SNTB1: variants seen among roughly 807,000 people sequenced by gnomAD.
SNTB1 encodes beta-1-syntrophin.
A neutral mutation model predicts 48.9 loss-of-function variants in SNTB1; 36 were observed. The observed-to-expected ratio is 0.74, with a 90% confidence interval of 0.56 to 0.97. The LOEUF (loss-of-function observed/expected upper bound fraction) is 0.97, where lower values mean the gene tolerates loss of function less well. Ranked by LOEUF, SNTB1 falls within the 50% of genes least tolerant of loss-of-function variation. The pLI, the probability that SNTB1 is intolerant of heterozygous loss-of-function variation, is 0.00. For synonymous variants in SNTB1, 299 were observed against 294.6 expected (o/e 1.01, Z -0.15); for missense variants, 786 against 703.4 (o/e 1.12, Z -1.33).
intron 1 of SNTB1, among the ~76,000 whole-genome samples, chr8:120,800,137 G>A (rs1820196912): frequency 6.6e-6 from 1 of 151,868 alleles, no homozygotes. Flanking sequence ...AAGTTCCTTG[G>A]GGCACCCTAT....
At chr8:120,811,122 C>A (rs1820419124) in intron 1 of SNTB1, 151 bp downstream of exon 1, 8 of 1,101,980 alleles carry the variant, frequency 7.3e-6, no homozygotes, top group African/African-American at 3.2e-5. Flanking sequence ...CCACCCCCTG[C>A]GCCACCCTTC....
chr8:120,806,638 A>C (rs1359172945), intron 1 of SNTB1, among the ~76,000 whole-genome samples: 1 of 152,148 alleles, frequency 6.6e-6, no homozygotes, highest in Non-Finnish European at 1.5e-5. Flanking sequence ...GTCTGAGTTT[A>C]TAGGATTTAA....
At position 120,633,472 on chromosome 8, in the gene SNTB1, G is replaced by C. The variant is rs1199122629; in HGVS notation, c.789-821C>G. On this transcript the variant is annotated intron_variant, in intron 2 of 6. Transcript: ENST00000517992. Reference sequence around the variant, plus strand: ...ATACAAAAATTAGCCGGGCATGATGGCGGGTGCCTGTAGCCCCAGCTACTT... The same window carrying C: ...ATACAAAAATTAGCCGGGCATGATGCCGGGTGCCTGTAGCCCCAGCTACTT... Among the ~76,000 whole-genome samples the C allele has an allele frequency of 5.9e-5, 9 of 152,230 alleles. No homozygotes were observed. In the East Asian group the frequency reaches 1.5e-3, roughly 26 times the overall value.
chr8:120,567,002 A>G (rs1361639634), intron 4 of SNTB1, among the ~76,000 whole-genome samples: 1 of 152,248 alleles, frequency 6.6e-6, no homozygotes, highest in African/African-American at 2.4e-5. Flanking sequence ...ACATGCTCTT[A>G]GGAAGCTGCA....
chr8:120,806,821 C>G (rs987911774), intron 1 of SNTB1, among the ~76,000 whole-genome samples: 2 of 152,166 alleles, frequency 1.3e-5, no homozygotes, highest in Non-Finnish European at 2.9e-5. Context: ...TCTGTACATC[C>G]TAAATAAAAT....
At chr8:120,704,998 C>T (rs897712412) in intron 1 of SNTB1, among the ~76,000 whole-genome samples, 35 of 152,208 alleles carry the variant, frequency 2.3e-4, no homozygotes, top group African/African-American at 7.9e-4. Context: ...AGAAGTATGC[C>T]GTTCAGAAAA....
intron 2 of SNTB1, among the ~76,000 whole-genome samples, chr8:120,678,006 A>G (rs1817866343): frequency 6.6e-6 from 1 of 152,206 alleles, no homozygotes; most frequent in Non-Finnish European, 1.5e-5. Context: ...TAATACAGGC[A>G]GTGAAAAGAA....
chr8:120,560,785 C>G (rs1006965350), intron 4 of SNTB1, among the ~76,000 whole-genome samples: 1 of 152,134 alleles, frequency 6.6e-6, no homozygotes, highest in Non-Finnish European at 1.5e-5. Context: ...GGATGTTCAC[C>G]AGGTGAAAGG....
intron 3 of SNTB1, among the ~76,000 whole-genome samples, chr8:120,586,843 G>C (rs1435228610): frequency 6.6e-6 from 1 of 152,160 alleles, no homozygotes; most frequent in East Asian, 1.9e-4. Flanking sequence ...GGGCAAATGG[G>C]GGAAAGAAGG....
chr8:120,693,824 G>T lies in SNTB1; in HGVS notation c.656C>A (p.Ser219Tyr), dbSNP rs376360327. Reference protein sequence around the residue: ...EIGWETPPPESPRLGGSTSDP... With the variant: ...EIGWETPPPEYPRLGGSTSDP... ...TGAGGTGCTGCCCCCTAACCGAGGGGATTCAGGCGGAGGTGTTTCCCACCC... is the reference window on the plus strand; with the variant it reads ...TGAGGTGCTGCCCCCTAACCGAGGGTATTCAGGCGGAGGTGTTTCCCACCC... Residue 219 changes from serine (S) to tyrosine (Y), a missense_variant, in exon 2 of 7, where the codon TCC (serine) becomes TAC (tyrosine). Transcript: ENST00000517992. 2.5e-5 allele frequency: 40 copies of T among 1,614,046 alleles called. No individual in the cohort carries two copies. The highest frequency in any genetic ancestry group is 3.3e-4 in the Middle Eastern group (2 of 6,082).
intron 2 of SNTB1, chr8:120,637,707 T>C: frequency 2.2e-6 from 1 of 444,598 alleles, no homozygotes; most frequent in Non-Finnish European, 4.4e-6. Context: ...GCTGCACTTA[T>C]GCCTGTTGAA....
intron 3 of SNTB1, among the ~76,000 whole-genome samples, chr8:120,606,161 G>T (rs1816513059): frequency 7.1e-6 from 1 of 139,940 alleles, no homozygotes; most frequent in Non-Finnish European, 1.6e-5. Flanking sequence ...ATTATATACT[G>T]ATATGTGTAT....
chr8:120,714,440 C>A (rs945958667), intron 1 of SNTB1, among the ~76,000 whole-genome samples: 1 of 152,052 alleles, frequency 6.6e-6, no homozygotes, highest in Non-Finnish European at 1.5e-5. Flanking sequence ...AAAAATAAAT[C>A]CATACTCCAG....
chr8:120,780,022 G>GT (rs1819807257), intron 1 of SNTB1, among the ~76,000 whole-genome samples: 1 of 149,468 alleles, frequency 6.7e-6, no homozygotes. Context: ...TTGCAAAAAA[G>GT]TAACAGTGGA....
At chr8:120,782,960 A>G (rs909460312) in intron 1 of SNTB1, among the ~76,000 whole-genome samples, 2 of 152,300 alleles carry the variant, frequency 1.3e-5, no homozygotes, top group Middle Eastern at 3.4e-3. Context: ...CTAAGAATAT[A>G]TCTCTTCACA....
At position 120,693,697 on chromosome 8, in the gene SNTB1, C is replaced by T. The variant is rs144874809; in HGVS notation, c.783G>A (p.Glu261=). Reference sequence around the variant, plus strand: ...AGAGTTTTGACCCTATTTACCTGTTCTCAGGGTCGGCCAAGGCCATACTCC... The same window carrying T: ...AGAGTTTTGACCCTATTTACCTGTTTTCAGGGTCGGCCAAGGCCATACTCC... ...VTRSMALADP[E]NRQLEIHSPD... is the part of the protein sequence containing the mutation. Residue 261 remains glutamate (E), a synonymous_variant, in exon 2 of 7, where the codon GAG becomes GAA. Transcript: ENST00000517992. 143 of 1,613,728 alleles carry T rather than the reference C, an allele frequency of 8.9e-5. No homozygotes were observed. Among genetic ancestry groups the T allele is most frequent in the Non-Finnish European group, 1.2e-4 (138 of 1,179,820 alleles).
intron 1 of SNTB1, among the ~76,000 whole-genome samples, chr8:120,721,607 T>C (rs1183985688): frequency 2.0e-5 from 3 of 152,188 alleles, no homozygotes; most frequent in Non-Finnish European, 4.4e-5. Flanking sequence ...AATAAATTCA[T>C]ATAAATATAA....
At chr8:120,620,957 C>T (rs78826672) in intron 3 of SNTB1, among the ~76,000 whole-genome samples, 16,354 of 91,882 alleles carry the variant, frequency 0.18, 1,323 homozygotes, top group South Asian at 0.27. Flanking sequence ...TCTTTTCTTT[C>T]TTTTTTCTTT....
chr8:120,782,332 A>G (rs1819842391), intron 1 of SNTB1, among the ~76,000 whole-genome samples: 1 of 152,154 alleles, frequency 6.6e-6, no homozygotes, highest in South Asian at 2.1e-4. Flanking sequence ...TTTTGAGGAG[A>G]CACAATTCAA....
Sources: allele counts gnomAD v4.1 joint callset (sites outside exome capture counted in the v4.1 genomes callset), GRCh38; gene constraint gnomAD v4.1.1; transcripts MANE v1.5; gene names NCBI Gene and HGNC (gene_info 2026-07-23, HGNC 2026-07-21).